Variants in IL1RAPL2 observed in about 807,000 individuals in gnomAD.
IL1RAPL2 encodes X-linked interleukin-1 receptor accessory protein-like 2.
Under a neutral mutation model 44.1 loss-of-function variants are expected in IL1RAPL2, and 3 were observed. That is an observed-to-expected ratio of 0.07 (90% CI 0.03 to 0.18). The LOEUF (loss-of-function observed/expected upper bound fraction) is 0.18. IL1RAPL2 is among the 10% of genes least tolerant of loss of function. The probability of loss-of-function intolerance (pLI) is 1.00; values close to 1 mark genes in which losing one functional copy is unlikely to be tolerated. For missense variants in IL1RAPL2, 391 were observed against 496.4 expected, an observed-to-expected ratio of 0.79 and a Z score of 2.02; for synonymous variants, 181 against 178.8, an observed-to-expected ratio of 1.01 and a Z score of -0.10.
At chrX:105,046,836 TG>T (rs1556036882) in intron 2 of IL1RAPL2, among the ~76,000 whole-genome samples, 2 of 99,390 alleles carry the variant, frequency 2.0e-5, no homozygotes, top group Admixed American at 1.1e-4. Flanking sequence ...TTTTTTTTTT[TG>T]GGGGGGTGCT....
intron 1 of IL1RAPL2, among the ~76,000 whole-genome samples, chrX:104,638,054 C>G (rs1456655615): frequency 1.8e-5 from 2 of 110,909 alleles, no homozygotes; most frequent in Non-Finnish European, 3.8e-5. Context: ...CATTATTGGT[C>G]TATTCTCATT....
chrX:105,612,037 T>C (rs762451745), intron 6 of IL1RAPL2, among the ~76,000 whole-genome samples: 1 of 111,853 alleles, frequency 8.9e-6, no homozygotes, highest in Non-Finnish European at 1.9e-5. Flanking sequence ...GAGTGGAATT[T>C]CTTGGTCATA....
chrX:105,710,907 C>A (rs1265913305), intron 6 of IL1RAPL2, among the ~76,000 whole-genome samples: 1 of 105,666 alleles, frequency 9.5e-6, no homozygotes, highest in Non-Finnish European at 1.9e-5. Flanking sequence ...TGATGAACTA[C>A]CTTGTGATTA....
chrX:105,747,510 GTGTGTGTA>G (rs1315387002), intron 8 of IL1RAPL2, among the ~76,000 whole-genome samples: 51 of 56,660 alleles, frequency 9.0e-4, no homozygotes, highest in South Asian at 1.4e-3. Flanking sequence ...GTGTGTGTGT[GTGTGTGTA>G]TATATATATA....
chrX:105,288,938 TTGG>T (rs1407135555), intron 5 of IL1RAPL2, among the ~76,000 whole-genome samples: 1 of 111,335 alleles, frequency 9.0e-6, no homozygotes, highest in Non-Finnish European at 1.9e-5. Context: ...TGGGGTTGTT[TTGG>T]TGGTGGTTTC....
At chrX:105,511,648 C>T (rs965792237) in intron 6 of IL1RAPL2, among the ~76,000 whole-genome samples, 7 of 111,217 alleles carry the variant, frequency 6.3e-5, no homozygotes, top group Non-Finnish European at 3.8e-5. Flanking sequence ...CAACTGGACC[C>T]GTGAACTTGG....
At chrX:104,903,590 T>C (rs1263823183) in intron 2 of IL1RAPL2, among the ~76,000 whole-genome samples, 1 of 111,174 alleles carries the variant, frequency 9.0e-6, no homozygotes, top group Non-Finnish European at 1.9e-5. Flanking sequence ...TATTTTTATT[T>C]TTTTGGAGAC....
At chrX:104,950,392 A>C (rs1310733773) in intron 2 of IL1RAPL2, among the ~76,000 whole-genome samples, 3 of 112,538 alleles carry the variant, frequency 2.7e-5, no homozygotes, top group African/African-American at 9.7e-5. Flanking sequence ...GGGACGTTTA[A>C]GTCTACAGAG....
chrX:105,012,645 T>TCTCTCTCACA (rs1287477665), intron 2 of IL1RAPL2, among the ~76,000 whole-genome samples: 1 of 48,509 alleles, frequency 2.1e-5, no homozygotes, highest in Non-Finnish European at 3.7e-5. Flanking sequence ...TCTCTCTCTC[T>TCTCTCTCACA]CACACACACA....
intron 2 of IL1RAPL2, among the ~76,000 whole-genome samples, chrX:105,181,640 T>G (rs1556130890): frequency 8.9e-6 from 1 of 112,177 alleles, no homozygotes; most frequent in Non-Finnish European, 1.9e-5. Flanking sequence ...CTCTTGTTTA[T>G]TTTTTGTTTT....
chrX:105,099,801 C>T (rs1233889380), intron 2 of IL1RAPL2, among the ~76,000 whole-genome samples: 1 of 110,333 alleles, frequency 9.1e-6, no homozygotes, highest in Non-Finnish European at 1.9e-5. Flanking sequence ...CTTGTGAGAA[C>T]TCACTCACTA....
At chrX:104,575,926 A>G (rs1313380737) in intron 1 of IL1RAPL2, among the ~76,000 whole-genome samples, 2 of 111,591 alleles carry the variant, frequency 1.8e-5, no homozygotes, top group Non-Finnish European at 3.8e-5. Context: ...TAAACTTTCT[A>G]GAAAATGGAA....
At chrX:105,122,896 C>G (rs1436504218) in intron 2 of IL1RAPL2, among the ~76,000 whole-genome samples, 1 of 110,962 alleles carries the variant, frequency 9.0e-6, no homozygotes, top group East Asian at 2.8e-4. Flanking sequence ...GTTATCTGTT[C>G]TGTACAGGGC....
At chrX:105,081,257 G>T (rs1313421248) in intron 2 of IL1RAPL2, among the ~76,000 whole-genome samples, 1 of 111,110 alleles carries the variant, frequency 9.0e-6, no homozygotes, top group Non-Finnish European at 1.9e-5. Flanking sequence ...GTACTATGTT[G>T]AATAGGAATG....
At chrX:105,761,220 T>TACACACACACACACAC (rs113089380) in intron 10 of IL1RAPL2, among the ~76,000 whole-genome samples, 1 of 84,156 alleles carries the variant, frequency 1.2e-5, no homozygotes, top group Non-Finnish European at 2.3e-5. Context: ...ACTCTTCCTA[T>TACACACACACACACAC]ACACACACAC....
At chrX:104,976,244 A>G (rs1602864161) in intron 2 of IL1RAPL2, among the ~76,000 whole-genome samples, 1 of 111,241 alleles carries the variant, frequency 9.0e-6, no homozygotes, top group East Asian at 2.9e-4. Context: ...GTCCTCTGGG[A>G]TGCTCATCAT....
chrX:105,023,737 T>C (rs1331464211), intron 2 of IL1RAPL2, among the ~76,000 whole-genome samples: 1 of 111,368 alleles, frequency 9.0e-6, no homozygotes, highest in Non-Finnish European at 1.9e-5. Context: ...ATTCTAGGTT[T>C]AATTGCTCCA....
intron 6 of IL1RAPL2, among the ~76,000 whole-genome samples, chrX:105,498,111 A>C (rs1391396761): frequency 1.8e-5 from 2 of 112,080 alleles, no homozygotes; most frequent in African/African-American, 3.2e-5. Context: ...AAGAAGTGAA[A>C]GTATCACTGC....
intron 5 of IL1RAPL2, among the ~76,000 whole-genome samples, chrX:105,295,972 C>G (rs1456776389): frequency 9.0e-6 from 1 of 111,146 alleles, no homozygotes. Context: ...ATCTTATACC[C>G]AGCTGCCAGA....
Sources: gnomAD v4.1 joint callset for allele counts (sites outside exome capture counted in the v4.1 genomes callset) on GRCh38, gnomAD v4.1.1 for gene constraint, MANE v1.5 for transcripts, NCBI Gene and HGNC (gene_info 2026-07-23, HGNC 2026-07-21) for gene names.